Variants in PPP2R2B observed in about 807,000 individuals in gnomAD.
PPP2R2B encodes the protein protein phosphatase 2 regulatory subunit Bbeta, also known as serine/threonine-protein phosphatase 2A 55 kDa regulatory subunit B beta isoform.
A neutral mutation model predicts 46.0 loss-of-function variants in PPP2R2B; 5 were observed. That is an observed-to-expected ratio of 0.11 (90% CI 0.06 to 0.23). The LOEUF (loss-of-function observed/expected upper bound fraction) is 0.23. PPP2R2B is among the 10% of genes least tolerant of loss of function. The probability of loss-of-function intolerance (pLI) is 1.00; values close to 1 mark genes in which losing one functional copy is unlikely to be tolerated. For missense variants in PPP2R2B, 367 were observed against 575.0 expected (o/e 0.64, Z 3.70); for synonymous variants, 215 against 206.7 (o/e 1.04, Z -0.34).
chr5:146,803,602 T>C (rs1271911655), intron 2 of PPP2R2B, among the ~76,000 whole-genome samples: 1 of 152,204 alleles, frequency 6.6e-6, no homozygotes, highest in Non-Finnish European at 1.5e-5. Flanking sequence ...TAAGTCATCA[T>C]TAGCAGGCCT....
intron 1 of PPP2R2B, among the ~76,000 whole-genome samples, chr5:147,006,719 G>A (rs949061133): frequency 6.6e-5 from 10 of 152,186 alleles, no homozygotes; most frequent in African/African-American, 2.4e-4. Context: ...CAAAACCACC[G>A]AGGCCTAGTC....
intron 2 of PPP2R2B, among the ~76,000 whole-genome samples, chr5:146,727,135 G>A (rs936237938): frequency 6.6e-6 from 1 of 151,806 alleles, no homozygotes; most frequent in African/African-American, 2.4e-5. Flanking sequence ...TGCTGAATTT[G>A]ATTCCACAAA....
intron 2 of PPP2R2B, among the ~76,000 whole-genome samples, chr5:146,877,344 T>G (rs1761953585): frequency 2.6e-5 from 4 of 152,202 alleles, no homozygotes; most frequent in Admixed American, 2.6e-4. Context: ...AAACTACTGC[T>G]GCAGAATTCA....
chr5:146,771,966 G>A (rs1184373679), intron 2 of PPP2R2B, among the ~76,000 whole-genome samples: 2 of 152,246 alleles, frequency 1.3e-5, no homozygotes, highest in Non-Finnish European at 2.9e-5. Context: ...TTTCAAAAAA[G>A]CCACCTTACT....
chr5:146,798,142 G>C (rs544404926), intron 2 of PPP2R2B, among the ~76,000 whole-genome samples: 1 of 152,086 alleles, frequency 6.6e-6, no homozygotes, highest in South Asian at 2.1e-4. Context: ...CCTCTAATTG[G>C]CTTTTACCCT....
chr5:146,717,337 C>T (rs1446895522), intron 2 of PPP2R2B, among the ~76,000 whole-genome samples: 1 of 152,196 alleles, frequency 6.6e-6, no homozygotes, highest in Non-Finnish European at 1.5e-5. Context: ...ATTCCAACAA[C>T]CTAAGTTATT....
intron 1 of PPP2R2B, among the ~76,000 whole-genome samples, chr5:147,049,100 A>ATGTGTG (rs146878580): frequency 0.038 from 4,418 of 116,032 alleles, 191 homozygotes; most frequent in East Asian, 0.19. Flanking sequence ...GGGAATGAGC[A>ATGTGTG]TGTGTGTGTG....
chr5:146,720,621 A>T (rs1780741574), intron 2 of PPP2R2B, among the ~76,000 whole-genome samples: 1 of 152,196 alleles, frequency 6.6e-6, no homozygotes, highest in African/African-American at 2.4e-5. Flanking sequence ...GTCCCATCAG[A>T]AAGAAGTTCA....
intron 1 of PPP2R2B, among the ~76,000 whole-genome samples, chr5:147,048,439 A>G (rs1004019346): frequency 2.6e-5 from 4 of 152,222 alleles, no homozygotes; most frequent in African/African-American, 9.6e-5. Context: ...GAGAGATAGT[A>G]ACTGTGAAGT....
At chr5:146,680,086 A>G (rs1452685467) in intron 5 of PPP2R2B, among the ~76,000 whole-genome samples, 3 of 151,782 alleles carry the variant, frequency 2.0e-5, no homozygotes, top group African/African-American at 7.3e-5. Context: ...CTATAAAGAC[A>G]CATGCACACT....
At chr5:146,678,131 C>T (rs548103846) in intron 5 of PPP2R2B, among the ~76,000 whole-genome samples, 1 of 152,170 alleles carries the variant, frequency 6.6e-6, no homozygotes, top group East Asian at 1.9e-4. Flanking sequence ...AACATTGATG[C>T]AAAAATCCTC....
chr5:146,790,465 G>A (rs187669117), intron 2 of PPP2R2B, among the ~76,000 whole-genome samples: 8 of 152,284 alleles, frequency 5.3e-5, no homozygotes, highest in Admixed American at 2.0e-4. Flanking sequence ...GGGTTGGCAC[G>A]GGTGAGGGCA....
At chr5:146,945,574 T>G (rs923104297) in intron 1 of PPP2R2B, among the ~76,000 whole-genome samples, 1 of 152,172 alleles carries the variant, frequency 6.6e-6, no homozygotes, top group Non-Finnish European at 1.5e-5. Context: ...AAAGTTGTGC[T>G]GCTATAGCAG....
In PPP2R2B at chr5:146,864,883, A is replaced by G. The variant is rs560924667; in HGVS notation, c.70+13119T>C. On this transcript the variant is annotated intron_variant, in intron 2 of 9. Coordinates refer to ENST00000394411, the MANE Select transcript of PPP2R2B (RefSeq NM_181675.4). Reference sequence around the variant, plus strand: ...TGACAATGTGAGGTGGAAGCAAAATATGGATAGAACAAAAGTGGAAAACGC... The same window carrying G: ...TGACAATGTGAGGTGGAAGCAAAATGTGGATAGAACAAAAGTGGAAAACGC... 2.4e-3 allele frequency among the ~76,000 whole-genome samples: 369 copies of G among 152,330 alleles called. 2 individuals are homozygous for G. The highest frequency in any genetic ancestry group is 8.5e-3 in the African/African-American group (352 of 41,578).
At chr5:146,685,110 C>A (rs1008307253) in intron 5 of PPP2R2B, among the ~76,000 whole-genome samples, 8 of 152,174 alleles carry the variant, frequency 5.3e-5, no homozygotes, top group Admixed American at 2.0e-4. Context: ...CACTGAGATA[C>A]AAAATACATG....
chr5:146,780,609 C>T (rs964276499), intron 2 of PPP2R2B, among the ~76,000 whole-genome samples: 2 of 152,154 alleles, frequency 1.3e-5, no homozygotes, highest in Non-Finnish European at 2.9e-5. Context: ...ATTAGATGGC[C>T]TTTGTTCTAG....
At chr5:147,042,083 A>G (rs1756337681) in intron 1 of PPP2R2B, among the ~76,000 whole-genome samples, 1 of 152,174 alleles carries the variant, frequency 6.6e-6, no homozygotes, top group Non-Finnish European at 1.5e-5. Context: ...AATTCGTCCG[A>G]TTGATAACGC....
chr5:146,856,599 G>A (rs1760685830), intron 2 of PPP2R2B: 1 of 1,581,654 alleles, frequency 6.3e-7, no homozygotes, highest in African/African-American at 1.3e-5. Context: ...ACAAACATGG[G>A]GTTCAGATCC....
chr5:146,730,280 C>A (rs1028976675), intron 2 of PPP2R2B, among the ~76,000 whole-genome samples: 5 of 152,128 alleles, frequency 3.3e-5, no homozygotes, highest in Non-Finnish European at 7.3e-5. Context: ...ATACCTGTAC[C>A]CCCATTGTAT....
Sources: allele counts gnomAD v4.1 joint callset (sites outside exome capture counted in the v4.1 genomes callset), GRCh38; gene constraint gnomAD v4.1.1; transcripts MANE v1.5; gene names NCBI Gene and HGNC (gene_info 2026-07-23, HGNC 2026-07-21).